OR2I1: variants seen among roughly 807,000 people sequenced by gnomAD.
OR2I1 encodes the protein putative olfactory receptor 2I1.
the OR2I1 span, chr6:29,555,594 C>A: frequency 4.7e-6 from 2 of 429,006 alleles, no homozygotes; most frequent in African/African-American, 2.0e-5. Context: ...GGTATCAAGA[C>A]AGAATTAAAT....
chr6:29,555,769 CT>C, the OR2I1 span: 7,455 of 804,458 alleles, frequency 9.3e-3, 65 homozygotes, highest in South Asian at 0.02. Context: ...TCTTACTCTA[CT>C]CATCTCATTC....
the OR2I1 span, chr6:29,555,776 C>T: frequency 5.7e-6 from 5 of 875,366 alleles, no homozygotes; most frequent in Non-Finnish European, 8.9e-6. Flanking sequence ...CTACTCATCT[C>T]ATTCTCATTA....
chr6:29,553,920 G>A, the OR2I1 span: 1 of 398,812 alleles, frequency 2.5e-6, no homozygotes. Flanking sequence ...GCGGAGGCCG[G>A]AGGAGGGCGG....
the OR2I1 span, chr6:29,554,734 TG>T: frequency 2.0e-5 from 3 of 152,018 alleles, no homozygotes; most frequent in African/African-American, 7.3e-5. Context: ...AGTTGGTTCT[TG>T]AGCAAGTTTT....
At chr6:29,556,616 T>G in the OR2I1 span, 3 of 480,736 alleles carry the variant, frequency 6.2e-6, no homozygotes, top group Non-Finnish European at 7.3e-6. Context: ...CCCAACCAAC[T>G]GAACGGACGC....
the OR2I1 span, chr6:29,555,414 T>C: frequency 1.1e-4 from 18 of 158,844 alleles, no homozygotes; most frequent in Non-Finnish European, 2.3e-4. Context: ...CATTTCACTA[T>C]GCTCTATAAG....
the OR2I1 span, chr6:29,556,353 G>T: frequency 6.2e-7 from 1 of 1,606,924 alleles, no homozygotes; most frequent in Non-Finnish European, 8.5e-7. Context: ...ACATGCACCT[G>T]GGAAGTGAAA....
chr6:29,555,721 G>A, the OR2I1 span: 3 of 602,418 alleles, frequency 5.0e-6, no homozygotes, highest in Admixed American at 5.9e-5. Flanking sequence ...GAAACATAGA[G>A]TTGGGCAATA....
the OR2I1 span, chr6:29,555,868 T>A: frequency 6.2e-7 from 1 of 1,605,746 alleles, no homozygotes. Context: ...CAACACCCCA[T>A]GCCCAGGGTG....
At chr6:29,551,629 G>T in the OR2I1 span, among the ~76,000 whole-genome samples, 2 of 152,118 alleles carry the variant, frequency 1.3e-5, no homozygotes, top group African/African-American at 4.8e-5. Flanking sequence ...CAGATATGAC[G>T]ATAGTTAGCA....
the OR2I1 span, chr6:29,556,408 A>T: frequency 7.8e-7 from 1 of 1,286,602 alleles, no homozygotes; most frequent in Non-Finnish European, 1.1e-6. Context: ...TTACACTTCT[A>T]CTCCCCACCA....
chr6:29,556,148 G>T, the OR2I1 span: 1 of 1,613,102 alleles, frequency 6.2e-7, no homozygotes, highest in Admixed American at 1.7e-5. Flanking sequence ...CACTTTCAGG[G>T]TAAGGTGGAT....
the OR2I1 span, chr6:29,553,096 A>T: frequency 2.5e-6 from 1 of 397,580 alleles, no homozygotes. Context: ...CCACAAACTG[A>T]CCTTGTATAT....
the OR2I1 span, chr6:29,550,483 G>C: frequency 6.6e-6 from 1 of 152,154 alleles, no homozygotes; most frequent in African/African-American, 2.4e-5. Flanking sequence ...ACCACCACCA[G>C]CTAATGCTGA....
chr6:29,553,070 T>C, the OR2I1 span: 1 of 397,388 alleles, frequency 2.5e-6, no homozygotes, highest in Non-Finnish European at 4.4e-6. Flanking sequence ...ATCTCATCTG[T>C]AAATGGGATT....
chr6:29,555,717 T>TA, the OR2I1 span: 1 of 595,716 alleles, frequency 1.7e-6, no homozygotes, highest in Non-Finnish European at 3.0e-6. Context: ...CAAAGAAACA[T>TA]AGAGTTGGGC....
At chr6:29,557,234 A>C in the OR2I1 span, 1 of 152,244 alleles carries the variant, frequency 6.6e-6, no homozygotes, top group African/African-American at 2.4e-5. Flanking sequence ...CTAAACAAGC[A>C]CTGGCCTTGA....
the OR2I1 span, chr6:29,555,226 A>T: frequency 3.9e-5 from 6 of 152,380 alleles, no homozygotes; most frequent in Admixed American, 3.9e-4. Context: ...CCCCAGAAAT[A>T]ATAACTATTT....
chr6:29,550,473 AC>A, the OR2I1 span: 7 of 152,146 alleles, frequency 4.6e-5, no homozygotes, highest in Admixed American at 4.6e-4. Flanking sequence ...GATATTTGCT[AC>A]CACCACCAGC....
Sources: gnomAD v4.1 joint callset for allele counts (sites outside exome capture counted in the v4.1 genomes callset) on GRCh38, gnomAD v4.1.1 for gene constraint, MANE v1.5 for transcripts, NCBI Gene and HGNC (gene_info 2026-07-23, HGNC 2026-07-21) for gene names.